SLC71A2: variants seen among roughly 807,000 people sequenced by gnomAD.
The protein encoded by SLC71A2 is solute carrier family 71 member 2, also known as hippocampus abundant transcript-like 1.
chr9:94,385,510 T>C, the SLC71A2 span, among the ~76,000 whole-genome samples: 2 of 152,160 alleles, frequency 1.3e-5, no homozygotes, highest in Admixed American at 6.5e-5. Flanking sequence ...TTAGCTCTTA[T>C]GTGTAGGCCA....
the SLC71A2 span, among the ~76,000 whole-genome samples, chr9:94,387,341 A>G: frequency 1.3e-5 from 2 of 152,346 alleles, no homozygotes; most frequent in East Asian, 1.9e-4. Context: ...CCAATGAGGC[A>G]GAATAACTAA....
chr9:94,402,372 A>G, the SLC71A2 span, among the ~76,000 whole-genome samples: 1 of 151,756 alleles, frequency 6.6e-6, no homozygotes, highest in Non-Finnish European at 1.5e-5. Flanking sequence ...CGTACCATAC[A>G]GTTCATCATT....
the SLC71A2 span, among the ~76,000 whole-genome samples, chr9:94,438,997 T>A: frequency 1.3e-5 from 2 of 150,444 alleles, no homozygotes; most frequent in Non-Finnish European, 3.0e-5. Context: ...TAGCCTATTT[T>A]AAATAATAAT....
chr9:94,408,792 G>C, the SLC71A2 span, among the ~76,000 whole-genome samples: 1 of 141,442 alleles, frequency 7.1e-6, no homozygotes, highest in Non-Finnish European at 1.5e-5. Context: ...TGGTTTTGTT[G>C]ATTTTCTCTT....
the SLC71A2 span, among the ~76,000 whole-genome samples, chr9:94,449,601 G>A: frequency 6.6e-6 from 1 of 152,184 alleles, no homozygotes; most frequent in Non-Finnish European, 1.5e-5. Context: ...TGGAGAAATC[G>A]GAGCCCTCAT....
At chr9:94,412,575 A>G in the SLC71A2 span, among the ~76,000 whole-genome samples, 1 of 151,268 alleles carries the variant, frequency 6.6e-6, no homozygotes. Context: ...AAACAACCCA[A>G]GTGTCTATGA....
At chr9:94,449,052 T>A in the SLC71A2 span, among the ~76,000 whole-genome samples, 1 of 152,210 alleles carries the variant, frequency 6.6e-6, no homozygotes, top group Non-Finnish European at 1.5e-5. Flanking sequence ...TGCATTACAT[T>A]ACATATGCAT....
At chr9:94,458,214 C>G in the SLC71A2 span, 1 of 912,534 alleles carries the variant, frequency 1.1e-6, no homozygotes. Flanking sequence ...CTCTTTTCCT[C>G]AGTCTTGCCG....
At chr9:94,431,723 T>A in the SLC71A2 span, among the ~76,000 whole-genome samples, 19 of 151,328 alleles carry the variant, frequency 1.3e-4, no homozygotes, top group East Asian at 3.7e-3. Flanking sequence ...TAGTGGAGAT[T>A]TATTTCTCAA....
At chr9:94,409,881 T>C in the SLC71A2 span, among the ~76,000 whole-genome samples, 2 of 135,282 alleles carry the variant, frequency 1.5e-5, no homozygotes, top group Admixed American at 1.7e-4. Context: ...TCATGTGCAC[T>C]TGAGGATTTA....
the SLC71A2 span, chr9:94,415,044 A>G: frequency 5.7e-6 from 4 of 703,026 alleles, no homozygotes; most frequent in Admixed American, 2.6e-5. Flanking sequence ...TTTAAATGAC[A>G]GAGGTAGGCC....
the SLC71A2 span, among the ~76,000 whole-genome samples, chr9:94,385,867 C>CTAT: frequency 6.6e-6 from 1 of 152,000 alleles, no homozygotes; most frequent in East Asian, 1.9e-4. Flanking sequence ...ATCCTGAATT[C>CTAT]TGAATAAGGA....
At chr9:94,437,819 T>C in the SLC71A2 span, among the ~76,000 whole-genome samples, 5 of 146,436 alleles carry the variant, frequency 3.4e-5, no homozygotes, top group Non-Finnish European at 7.5e-5. Flanking sequence ...AATGTGGGTA[T>C]ATATATATCA....
the SLC71A2 span, among the ~76,000 whole-genome samples, chr9:94,443,148 C>T: frequency 6.6e-6 from 1 of 152,110 alleles, no homozygotes; most frequent in Non-Finnish European, 1.5e-5. Flanking sequence ...CCAGAAGCGC[C>T]TGTGACTTAA....
chr9:94,380,147 G>T, the SLC71A2 span, among the ~76,000 whole-genome samples: 2 of 152,092 alleles, frequency 1.3e-5, no homozygotes, highest in African/African-American at 4.8e-5. Context: ...GGCGCCTGTA[G>T]TCCCAGCTAC....
the SLC71A2 span, among the ~76,000 whole-genome samples, chr9:94,457,813 T>C: frequency 1.8e-4 from 28 of 152,360 alleles, 1 homozygote; most frequent in Admixed American, 1.8e-3. Context: ...ATTCATTTCA[T>C]ACAGTTCAAG....
the SLC71A2 span, among the ~76,000 whole-genome samples, chr9:94,424,668 T>G: frequency 1.3e-5 from 2 of 151,526 alleles, no homozygotes; most frequent in African/African-American, 2.4e-5. Flanking sequence ...GCTAAGAATT[T>G]TTATTATGAT....
the SLC71A2 span, among the ~76,000 whole-genome samples, chr9:94,417,743 C>T: frequency 5.9e-5 from 9 of 151,592 alleles, no homozygotes; most frequent in African/African-American, 1.9e-4. Context: ...CTTCTTGTTT[C>T]TGTAGATTAA....
At chr9:94,459,315 G>A in the SLC71A2 span, 13 of 1,613,986 alleles carry the variant, frequency 8.1e-6, no homozygotes, top group African/African-American at 5.3e-5. Context: ...ACCCCAGAAC[G>A]GGGCAGTGAT....
Sources: gnomAD v4.1 joint callset for allele counts (sites outside exome capture counted in the v4.1 genomes callset) on GRCh38, gnomAD v4.1.1 for gene constraint, MANE v1.5 for transcripts, NCBI Gene and HGNC (gene_info 2026-07-23, HGNC 2026-07-21) for gene names.